Variants in ZNF573 observed in about 807,000 individuals in gnomAD.
ZNF573 encodes the protein zinc finger protein 573.
A neutral mutation model predicts 57.4 loss-of-function variants in ZNF573; 41 were observed. The observed-to-expected ratio is 0.71, with a 90% CI of 0.56 to 0.93. The LOEUF is 0.93. Ranked by LOEUF, ZNF573 falls within the 40% of genes least tolerant of loss-of-function variation. The probability of loss-of-function intolerance (pLI) is 0.00; values close to 1 mark genes in which losing one functional copy is unlikely to be tolerated. For missense variants in ZNF573, 730 were observed against 794.8 expected, an observed-to-expected ratio of 0.92 and a Z score of 0.98; for synonymous variants, 249 against 261.0, an observed-to-expected ratio of 0.95 and a Z score of 0.44.
Position 37,739,664 on chromosome 19 carries a change from A to C in ZNF573, c.826T>G (p.Cys276Gly). The change falls in exon 5 of 5, where the codon TGT becomes GGT. Residue 276 changes from cysteine to glycine, a missense_variant. Coordinates refer to ENST00000536220, the MANE Select transcript of ZNF573 (RefSeq NM_001172690.2). Reference sequence around the variant, plus strand: ...CTAAAAGTCTTCCCACATTCCTTACATTTATATGGTTTTTCGCCAGTATGA... The same window carrying C: ...CTAAAAGTCTTCCCACATTCCTTACCTTTATATGGTTTTTCGCCAGTATGA... ...RVHTGEKPYK[C>G]KECGKTFSRR... The C allele has an allele frequency of 6.2e-7, 1 of 1,614,004 alleles. No individual in the cohort carries two copies. The highest frequency in any genetic ancestry group is 8.5e-7 in the Non-Finnish European group (1 of 1,179,996).
At position 37,770,066 on chromosome 19, in the gene ZNF573, A is replaced by T; in HGVS notation, c.234T>A (p.Val78=). ...GGHSISKPVV[V]DLLERGKEPW... The stretch of plus-strand genomic sequence containing the variant: ...GCTCTTTTCCTCGCTCCAGTAAATC[A>T]ACCACAACTGGTTTAGAAATGGAAT... The change falls in exon 4 of 5, where the codon GTT becomes GTA. Residue 78 remains valine (V), a synonymous_variant. Transcript: ENST00000536220. The T allele has an allele frequency of 6.4e-7, 1 of 1,551,792 alleles. No homozygotes were observed. Among genetic ancestry groups the T allele is most frequent in the Non-Finnish European group, 8.7e-7 (1 of 1,147,116 alleles).
At chr19:37,778,359 G>T (rs1342649306) in intron 1 of ZNF573, 1 of 144,274 alleles carries the variant, frequency 6.9e-6, no homozygotes, top group East Asian at 2.4e-4. Context: ...GCACCATCAC[G>T]CCAGACTAAT....
At chr19:37,753,227 T>C (rs2045455547) in intron 4 of ZNF573, among the ~76,000 whole-genome samples, 1 of 152,152 alleles carries the variant, frequency 6.6e-6, no homozygotes, top group Admixed American at 6.6e-5. Flanking sequence ...TTTATTATTA[T>C]TTTAATTTTT....
intron 1 of ZNF573, among the ~76,000 whole-genome samples, chr19:37,775,873 AAAAAC>A (rs139098604): frequency 0.14 from 21,523 of 149,302 alleles, 1,766 homozygotes; most frequent in Middle Eastern, 0.27. Flanking sequence ...AAAAGAAAAC[AAAAAC>A]AAAACAAAAC....
intron 4 of ZNF573, among the ~76,000 whole-genome samples, chr19:37,766,159 G>A (rs1158296745): frequency 1.3e-5 from 2 of 152,194 alleles, no homozygotes; most frequent in African/African-American, 4.8e-5. Flanking sequence ...CATAATAAAT[G>A]AAAAATAAAT....
chr19:37,746,597 T>G (rs895279000), intron 4 of ZNF573, among the ~76,000 whole-genome samples: 12 of 152,168 alleles, frequency 7.9e-5, no homozygotes, highest in Non-Finnish European at 5.9e-5. Context: ...GTTTTTTTTT[T>G]GGGACGGAGT....
chr19:37,769,174 C>T (rs898874885), intron 4 of ZNF573, among the ~76,000 whole-genome samples: 5 of 150,398 alleles, frequency 3.3e-5, no homozygotes, highest in African/African-American at 1.2e-4. Context: ...CATTCAAGAC[C>T]GGCCAGGCTG....
intron 4 of ZNF573, among the ~76,000 whole-genome samples, chr19:37,753,508 AAGAC>A (rs888105198): frequency 1.3e-5 from 2 of 152,154 alleles, no homozygotes; most frequent in African/African-American, 2.4e-5. Flanking sequence ...GTAGCTATAA[AAGAC>A]AGGCAGAAGA....
intron 4 of ZNF573, among the ~76,000 whole-genome samples, chr19:37,758,220 TATATATATATATATATATATATA>T (rs1167778900): frequency 7.9e-5 from 1 of 12,582 alleles, no homozygotes; most frequent in African/African-American, 4.3e-4. Context: ...TATATATATA[TATATATATATATATATATATATA>T]TATATATATA....
chr19:37,778,596 A>T (rs1374038943), intron 1 of ZNF573: 1 of 152,016 alleles, frequency 6.6e-6, no homozygotes, highest in Non-Finnish European at 1.5e-5. Context: ...CACATTTCAG[A>T]TGAAGTAAAA....
intron 4 of ZNF573, among the ~76,000 whole-genome samples, chr19:37,754,600 GAA>G (rs1235996444): frequency 1.3e-5 from 2 of 148,626 alleles, no homozygotes; most frequent in Admixed American, 1.3e-4. Context: ...GTAAAAATGT[GAA>G]AGTCTCTATT....
chr19:37,745,321 C>T (rs756161807), intron 4 of ZNF573, among the ~76,000 whole-genome samples: 1 of 151,964 alleles, frequency 6.6e-6, no homozygotes, highest in Non-Finnish European at 1.5e-5. Flanking sequence ...AAGTGATTTG[C>T]TTCTGTCTGC....
At chr19:37,740,787 C>G (rs2045319989) in intron 4 of ZNF573, 1 of 321,034 alleles carries the variant, frequency 3.1e-6, no homozygotes, top group African/African-American at 2.2e-5. Context: ...CAAAACCCAA[C>G]CCAGATACCG....
intron 4 of ZNF573, among the ~76,000 whole-genome samples, chr19:37,761,149 C>T (rs2045548852): frequency 6.6e-6 from 1 of 152,054 alleles, no homozygotes; most frequent in Admixed American, 6.6e-5. Context: ...AAGACAGCAC[C>T]ACTGCACCTG....
intron 4 of ZNF573, among the ~76,000 whole-genome samples, chr19:37,745,387 C>T (rs1383404158): frequency 6.7e-6 from 1 of 150,204 alleles, no homozygotes; most frequent in Non-Finnish European, 1.5e-5. Context: ...TCAGCCAAGA[C>T]TTTAATTTTT....
chr19:37,762,077 C>A (rs759321440), intron 4 of ZNF573, among the ~76,000 whole-genome samples: 1 of 152,188 alleles, frequency 6.6e-6, no homozygotes, highest in Non-Finnish European at 1.5e-5. Context: ...CTATTATTGT[C>A]TCCTCATGTG....
intron 3 of ZNF573, 74 bp downstream of exon 3, chr19:37,771,490 C>T (rs1238288709): frequency 6.6e-7 from 1 of 1,509,146 alleles, no homozygotes; most frequent in Admixed American, 2.1e-5. Context: ...TGAAATATGG[C>T]CTTGAAATTC....
Position 37,740,034 on chromosome 19 carries a change from A to C in ZNF573, c.456T>G (p.His152Gln). 1 of 1,614,146 alleles carries C rather than the reference A, an allele frequency of 6.2e-7. No individual in the cohort carries two copies. The highest frequency in any genetic ancestry group is 8.5e-7 in the Non-Finnish European group (1 of 1,179,990). ...KFSSGYQLIL[H>Q]HRFHVIERPY... ...GTCTCTCAATGACATGAAACCTGTG[A>C]TGTAGAATAAGTTGATAACCACTAC... is the stretch of plus-strand genomic sequence containing the variant. Residue 152 changes from histidine (H) to glutamine (Q), a missense_variant, in exon 5 of 5, where the codon CAT becomes CAG. Coordinates refer to ENST00000536220, the MANE Select transcript of ZNF573 (RefSeq NM_001172690.2).
At chr19:37,769,296 T>C (rs917576798) in intron 4 of ZNF573, among the ~76,000 whole-genome samples, 4 of 152,108 alleles carry the variant, frequency 2.6e-5, no homozygotes, top group Non-Finnish European at 5.9e-5. Flanking sequence ...TGTTCTTTAG[T>C]ACAATGTAAA....
Sources: gnomAD v4.1 joint callset for allele counts (sites outside exome capture counted in the v4.1 genomes callset) on GRCh38, gnomAD v4.1.1 for gene constraint, MANE v1.5 for transcripts, NCBI Gene and HGNC (gene_info 2026-07-23, HGNC 2026-07-21) for gene names.